Variants in ATP1B3 observed in about 807,000 individuals in gnomAD.
The protein encoded by ATP1B3 is ATPase Na+/K+ transporting subunit beta 3.
In ATP1B3, 10 loss-of-function variants were observed where a neutral mutation model predicts 30.2. The observed-to-expected ratio is 0.33, with a 90% confidence interval of 0.20 to 0.56. The LOEUF (loss-of-function observed/expected upper bound fraction) is 0.56. Ranked by LOEUF, ATP1B3 falls within the 20% of genes least tolerant of loss-of-function variation. The probability of loss-of-function intolerance (pLI) is 0.90; values close to 1 mark genes in which losing one functional copy is unlikely to be tolerated. For synonymous variants in ATP1B3, 113 were observed against 117.0 expected, an observed-to-expected ratio of 0.97 and a Z score of 0.22; for missense variants, 238 against 336.7, an observed-to-expected ratio of 0.71 and a Z score of 2.29.
intron 3 of ATP1B3, among the ~76,000 whole-genome samples, chr3:141,911,561 C>G (rs890435541): frequency 1.4e-5 from 2 of 147,744 alleles, no homozygotes; most frequent in Admixed American, 1.4e-4. Context: ...ATGGCTTGTT[C>G]TCAGCTCACT....
chr3:141,922,592 G>A (rs1036779591), intron 6 of ATP1B3, among the ~76,000 whole-genome samples: 1 of 151,588 alleles, frequency 6.6e-6, no homozygotes, highest in African/African-American at 2.4e-5. Flanking sequence ...GGTGGAGGTT[G>A]CAGTGAGCCA....
rs2288636 is a variant in ATP1B3 at position 141,913,955 on chromosome 3, G to T, written c.531+119G>T. ...TTCCTTATTAAAAGTTATCATTTGG[G>T]GGGTAGCTTGCTTTAAAGACTAGCA... On this transcript the variant is annotated intron_variant, in intron 4 of 6. Transcript: ENST00000286371. The T allele has an allele frequency of 0.11, 110,145 of 966,602 alleles. 6,934 individuals are homozygous for T. Among genetic ancestry groups the T allele is most frequent in the East Asian group, 0.19 (6,973 of 37,524 alleles). The allele number at this position is 966,602 out of a possible 1,614,324, so 59.9% of individuals were successfully genotyped here. A position where few individuals can be genotyped will look rare whatever the true frequency, so the allele number is the denominator to read the frequency against.
At chr3:141,911,487 T>G (rs1037995311) in intron 3 of ATP1B3, among the ~76,000 whole-genome samples, 3 of 149,936 alleles carry the variant, frequency 2.0e-5, no homozygotes, top group Non-Finnish European at 4.5e-5. Context: ...TCCAGTTATC[T>G]TGGTCTTTTT....
chr3:141,925,289 C>G (rs1361343909), intron 6 of ATP1B3, among the ~76,000 whole-genome samples: 2 of 152,060 alleles, frequency 1.3e-5, no homozygotes, highest in Non-Finnish European at 2.9e-5. Flanking sequence ...CAGGGAGACC[C>G]TGTCTCTACA....
At chr3:141,877,958 G>A (rs9850518) in intron 1 of ATP1B3, among the ~76,000 whole-genome samples, 1 of 151,850 alleles carries the variant, frequency 6.6e-6, no homozygotes, top group Admixed American at 6.6e-5. Context: ...CGAGAGCTTA[G>A]AACTATTTGG....
chr3:141,879,735 C>T (rs1476113438), intron 1 of ATP1B3, among the ~76,000 whole-genome samples: 2 of 146,760 alleles, frequency 1.4e-5, no homozygotes, highest in African/African-American at 5.1e-5. Context: ...GCTGAGATCG[C>T]ACCACTGCAC....
chr3:141,879,497 C>T (rs1223282270), intron 1 of ATP1B3, among the ~76,000 whole-genome samples: 1 of 151,806 alleles, frequency 6.6e-6, no homozygotes, highest in African/African-American at 2.4e-5. Flanking sequence ...TGGGGCCGGG[C>T]GCGGTGGCTC....
chr3:141,881,824 A>G (rs535932707), intron 1 of ATP1B3, among the ~76,000 whole-genome samples: 1 of 152,326 alleles, frequency 6.6e-6, no homozygotes, highest in South Asian at 2.1e-4. Flanking sequence ...TGTGCAGGCT[A>G]TAAACGCAGG....
intron 3 of ATP1B3, among the ~76,000 whole-genome samples, chr3:141,910,405 TTTTC>T (rs1934338298): frequency 6.6e-6 from 1 of 152,096 alleles, no homozygotes; most frequent in Non-Finnish European, 1.5e-5. Context: ...ACATTATCAC[TTTTC>T]TTTATTAATT....
chr3:141,903,934 G>A (rs1934215193), intron 2 of ATP1B3, among the ~76,000 whole-genome samples, 186 bp downstream of exon 2: 2 of 152,036 alleles, frequency 1.3e-5, no homozygotes, highest in Admixed American at 1.3e-4. Flanking sequence ...ACAGGCATGC[G>A]CCACCACGCC....
At chr3:141,908,789 T>C (rs1329364453) in intron 3 of ATP1B3, among the ~76,000 whole-genome samples, 1 of 152,164 alleles carries the variant, frequency 6.6e-6, no homozygotes, top group East Asian at 1.9e-4. Flanking sequence ...CTCACTCTCT[T>C]CATATAACCT....
chr3:141,904,276 G>A (rs1934221177), intron 2 of ATP1B3, among the ~76,000 whole-genome samples: 1 of 151,250 alleles, frequency 6.6e-6, no homozygotes, highest in Admixed American at 6.6e-5. Flanking sequence ...TTGAGAGTTT[G>A]AGTGGGTTTG....
chr3:141,894,869 T>A (rs1268242747), intron 1 of ATP1B3, among the ~76,000 whole-genome samples: 4 of 152,230 alleles, frequency 2.6e-5, no homozygotes, highest in Non-Finnish European at 5.9e-5. Context: ...CATAGCAGTT[T>A]ATTATCATTA....
intron 1 of ATP1B3, among the ~76,000 whole-genome samples, chr3:141,877,249 C>CCCTGCCCGAAGCCGGGCCCT (rs1933621711): frequency 6.6e-6 from 1 of 151,886 alleles, no homozygotes; most frequent in Admixed American, 6.6e-5. Flanking sequence ...AGCCGGGCCC[C>CCCTGCCCGAAGCCGGGCCCT]GAGAGTGCAG....
chr3:141,902,516 A>G (rs78176711), intron 1 of ATP1B3, among the ~76,000 whole-genome samples: 5,548 of 152,314 alleles, frequency 0.036, 352 homozygotes, highest in African/African-American at 0.13. Flanking sequence ...GACTTTACCA[A>G]TGTATTCTAA....
At chr3:141,892,484 T>G (rs1933973269) in intron 1 of ATP1B3, among the ~76,000 whole-genome samples, 1 of 151,974 alleles carries the variant, frequency 6.6e-6, no homozygotes, top group Non-Finnish European at 1.5e-5. Context: ...TTATTGACAT[T>G]TTAATTACAA....
At chr3:141,914,964 A>G (rs548527556) in intron 4 of ATP1B3, among the ~76,000 whole-genome samples, 14 of 152,342 alleles carry the variant, frequency 9.2e-5, no homozygotes, top group African/African-American at 3.4e-4. Flanking sequence ...AATTGAAGTT[A>G]ACAAAGTAAG....
intron 3 of ATP1B3, among the ~76,000 whole-genome samples, chr3:141,910,461 C>G (rs1934339075): frequency 1.3e-5 from 2 of 152,116 alleles, no homozygotes; most frequent in Admixed American, 6.6e-5. Flanking sequence ...TCACATGTCT[C>G]AGACCTTCCC....
Position 141,924,267 on chromosome 3 carries a change from C to T in ATP1B3, c.670-1264C>T, listed in dbSNP as rs1348545948. 2.6e-5 allele frequency among the ~76,000 whole-genome samples: 4 copies of T among 150,980 alleles called. No homozygotes were observed. In the East Asian group the frequency reaches 7.8e-4, roughly 30 times the overall value. On this transcript the variant is annotated intron_variant, in intron 6 of 6. Transcript: ENST00000286371. ...GCTGAGGCAGGAGAATCACTTGAAC[C>T]AGGAAGGCAGAGGTTGCAGTGAGCC...
Sources: allele counts gnomAD v4.1 joint callset (sites outside exome capture counted in the v4.1 genomes callset), GRCh38; gene constraint gnomAD v4.1.1; transcripts MANE v1.5; gene names NCBI Gene and HGNC (gene_info 2026-07-23, HGNC 2026-07-21).